GOLGB1: variants seen among roughly 807,000 people sequenced by gnomAD.
GOLGB1 encodes golgin B1.
A neutral mutation model predicts 336.9 loss-of-function variants in GOLGB1; 174 were observed. That is an observed-to-expected ratio of 0.52 (90% CI 0.46 to 0.59). The LOEUF (loss-of-function observed/expected upper bound fraction) is 0.59. Among genes scored for constraint, GOLGB1 ranks in the 20% least tolerant of loss-of-function variants. The pLI is 0.00. For synonymous variants in GOLGB1, 1,208 were observed against 1,289.2 expected (o/e 0.94, Z 1.35); for missense variants, 3,331 against 3,645.3 (o/e 0.91, Z 2.22).
rs376106917 is a variant in GOLGB1 at position 121,697,963 on chromosome 3, C to G, written c.2560G>C (p.Glu854Gln). 5.0e-6 allele frequency: 8 copies of G among 1,614,034 alleles called. No individual in the cohort carries two copies. In the African/African-American group the frequency reaches 6.7e-5, roughly 13 times the overall value. The change falls in exon 13 of 22, where the codon GAG becomes CAG. Residue 854 changes from glutamate to glutamine, a missense_variant. Transcript: ENST00000614479. ...QLQNKESEVL[E>Q]GAERVRHISS... ...ATATGCCTTACACGTTCTGCCCCCT[C>G]AAGCACTTCACTTTCCTTATTTTGC...
Position 121,694,835 on chromosome 3 carries a change from T to G in GOLGB1, c.5688A>C (p.Val1896=), listed in dbSNP as rs748449707. The G allele has an allele frequency of 1.2e-6, 2 of 1,613,888 alleles. No homozygotes were observed. The highest frequency in any genetic ancestry group is 2.2e-5 in the South Asian group (2 of 91,076). Residue 1896 remains valine (V), a synonymous_variant, in exon 13 of 22, where the codon GTA becomes GTC. Coordinates refer to ENST00000614479, the MANE Select transcript of GOLGB1 (RefSeq NM_001366282.2). ...GCTGATTTAACAGGTTCATTTTGGTTACTTCCTCCTGAAGCATTTTTAGTT... is the reference window on the plus strand; with the variant it reads ...GCTGATTTAACAGGTTCATTTTGGTGACTTCCTCCTGAAGCATTTTTAGTT... ...DGELKMLQEE[V]TKMNLLNQQI...
At position 121,668,115 on chromosome 3, in the gene GOLGB1, T is replaced by C; in HGVS notation, c.9365A>G (p.Lys3122Arg). ...IDVAPGAPQEKNGVHRKSDPE... is the reference protein window; with the variant it reads ...IDVAPGAPQERNGVHRKSDPE... ...GTCACTCTTTCTGTGAACTCCATTC[T>C]TTTCCTGGGGAGCTCCTGGAGCAAC... Residue 3122 changes from lysine to arginine, a missense_variant, in exon 19 of 22, where the codon AAG (lysine) becomes AGG (arginine). Transcript: ENST00000614479. 1 of 1,608,910 alleles carries C rather than the reference T, an allele frequency of 6.2e-7. No homozygotes were observed. Among genetic ancestry groups the C allele is most frequent in the Non-Finnish European group, 8.5e-7 (1 of 1,177,072 alleles).
intron 10 of GOLGB1, among the ~76,000 whole-genome samples, chr3:121,708,027 C>G (rs1287135451): frequency 6.6e-6 from 1 of 152,100 alleles, no homozygotes; most frequent in Non-Finnish European, 1.5e-5. Context: ...TGTCCACAAC[C>G]CAAATTATCC....
chr3:121,691,971 C>A lies in GOLGB1; in HGVS notation c.7393G>T (p.Asp2465Tyr), dbSNP rs763150989. 1.2e-6 allele frequency: 2 copies of A among 1,614,076 alleles called. No individual in the cohort carries two copies. Among genetic ancestry groups the A allele is most frequent in the Middle Eastern group, 1.6e-4 (1 of 6,062 alleles). Reference sequence around the variant, plus strand: ...GAAGACATGGATTTAACAAAGGAATCCAACTGTGCCTTTTGCTGAATGTTT... The same window carrying A: ...GAAGACATGGATTTAACAAAGGAATACAACTGTGCCTTTTGCTGAATGTTT... ...KENIQQKAQL[D>Y]SFVKSMSSLQ... is the part of the protein sequence containing the mutation. Residue 2465 changes from aspartate (D) to tyrosine (Y), a missense_variant, in exon 14 of 22, where the codon GAT becomes TAT. Asp to Tyr is a radical substitution (Grantham distance 160). Coordinates refer to ENST00000614479, the MANE Select transcript of GOLGB1 (RefSeq NM_001366282.2).
intron 16 of GOLGB1, 104 bp downstream of exon 16, chr3:121,677,181 G>T: frequency 1.7e-6 from 2 of 1,208,080 alleles, no homozygotes; most frequent in Non-Finnish European, 1.2e-6. Context: ...GTAGGAAGCT[G>T]ATGCTTTCTG....
chr3:121,703,713 A>G (rs1429300264), intron 10 of GOLGB1, among the ~76,000 whole-genome samples: 1 of 152,220 alleles, frequency 6.6e-6, no homozygotes, highest in Admixed American at 6.5e-5. Flanking sequence ...AAATCTTGAG[A>G]ACAAAACACG....
In GOLGB1 at chr3:121,664,420, T is replaced by C. The variant is rs922931562; in HGVS notation, c.*60A>G. The C allele has an allele frequency of 7.3e-6, 10 of 1,361,654 alleles. No individual in the cohort carries two copies. In the East Asian group the frequency reaches 2.3e-4, roughly 31 times the overall value. The allele number at this position is 1,361,654 out of a possible 1,614,324, so 84.3% of individuals were successfully genotyped here. A position where few individuals can be genotyped will look rare whatever the true frequency, so the allele number is the denominator to read the frequency against. Reference sequence around the variant, plus strand: ...TGTTCCACTGGAATTGATGTTCTGATGTTAGAGGTGAGAGAATTCCAAGTT... The same window carrying C: ...TGTTCCACTGGAATTGATGTTCTGACGTTAGAGGTGAGAGAATTCCAAGTT... On this transcript the variant is annotated 3_prime_UTR_variant, in exon 22 of 22. Coordinates refer to ENST00000614479, the MANE Select transcript of GOLGB1 (RefSeq NM_001366282.2).
At chr3:121,730,107 C>A (rs1945973895) in intron 2 of GOLGB1, 90 bp from the exon 3 acceptor site, 2 of 798,222 alleles carry the variant, frequency 2.5e-6, no homozygotes, top group Non-Finnish European at 2.0e-6. Context: ...TTATGTTTTG[C>A]CCAATTCATA....
intron 1 of GOLGB1, among the ~76,000 whole-genome samples, chr3:121,745,575 C>A (rs1011985757): frequency 1.4e-4 from 21 of 150,482 alleles, no homozygotes; most frequent in Admixed American, 1.2e-3. Context: ...TATATGTATA[C>A]ATATATGTAA....
intron 17 of GOLGB1, among the ~76,000 whole-genome samples, chr3:121,674,820 CCTTT>C (rs1940102327): frequency 3.4e-5 from 5 of 148,934 alleles, no homozygotes; most frequent in African/African-American, 5.0e-5. Flanking sequence ...GAATGAGGTG[CCTTT>C]CTTTTTTTTT....
At chr3:121,684,427 T>C in intron 14 of GOLGB1, among the ~76,000 whole-genome samples, 1 of 151,882 alleles carries the variant, frequency 6.6e-6, no homozygotes, top group African/African-American at 2.4e-5. Flanking sequence ...AAAAAGCTGC[T>C]AGTATGATTT....
intron 14 of GOLGB1, among the ~76,000 whole-genome samples, chr3:121,683,083 G>A (rs1483487864): frequency 4.3e-5 from 1 of 23,036 alleles, no homozygotes; most frequent in Non-Finnish European, 8.8e-5. Context: ...TTTTTTTTTT[G>A]GAGAGACGGA....
At chr3:121,670,898 CCTA>C (rs1264914264) in intron 17 of GOLGB1, among the ~76,000 whole-genome samples, 1 of 152,074 alleles carries the variant, frequency 6.6e-6, no homozygotes, top group Non-Finnish European at 1.5e-5. Context: ...CTTCCCTTAA[CCTA>C]AGAGGAAGTT....
intron 1 of GOLGB1, among the ~76,000 whole-genome samples, chr3:121,746,278 A>G (rs1474435673): frequency 6.6e-6 from 1 of 152,174 alleles, no homozygotes; most frequent in African/African-American, 2.4e-5. Flanking sequence ...AACACATTCG[A>G]TATTATGACA....
In GOLGB1 at chr3:121,698,020, T is replaced by C; in HGVS notation, c.2503A>G (p.Ser835Gly). Residue 835 changes from serine to glycine, a missense_variant, in exon 13 of 22, where the codon AGT becomes GGT. Physicochemically the swap from Ser to Gly is moderately conservative, Grantham distance 56. Transcript: ENST00000614479. ...DDVQLQFSEQ[S>G]TLIRSLQSQL... is the part of the protein sequence containing the mutation. ...CTTTGCAGGCTTCTTATCAGGGTAC[T>C]CTGCTCAGAAAACTGAAGCTGCACA... 1 of 1,614,056 alleles carries C rather than the reference T, an allele frequency of 6.2e-7. No homozygotes were observed. Among genetic ancestry groups the C allele is most frequent in the Non-Finnish European group, 8.5e-7 (1 of 1,179,910 alleles).
rs1942496807 is a variant in GOLGB1, at chr3:121,692,206, C to T, written c.7158G>A (p.Glu2386=). ...CAGAAAGCAGGCTTATAATCTTTTG[C>T]TCTTTCATATTTATTTCTTCATGCA... ...SRLHEEINMK[E]QKIISLLSGK... The change falls in exon 14 of 22, where the codon GAG becomes GAA. Residue 2386 remains glutamate (E), a synonymous_variant. Transcript: ENST00000614479. The T allele has an allele frequency of 2.5e-6, 4 of 1,598,966 alleles. No homozygotes were observed. Among genetic ancestry groups the T allele is most frequent in the Admixed American group, 1.8e-5 (1 of 56,050 alleles).
Position 121,664,312 on chromosome 3 carries a change from C to T in GOLGB1, c.*168G>A. 1 of 651,732 alleles carries T rather than the reference C, an allele frequency of 1.5e-6. No homozygotes were observed. The highest frequency in any genetic ancestry group is 1.8e-5 in the South Asian group (1 of 54,478). 40.4% of individuals were successfully genotyped at this position (651,732 alleles called of 1,614,324 possible). ...AAAGCAGACTCGCCAGTCCCTGCAG[C>T]TCCAACCTGTCCTCGTATCCACCTC... On this transcript the variant is annotated 3_prime_UTR_variant, in exon 22 of 22. Coordinates refer to ENST00000614479, the MANE Select transcript of GOLGB1 (RefSeq NM_001366282.2).
rs764751569 is a variant in GOLGB1 at position 121,696,286 on chromosome 3, C to T, written c.4237G>A (p.Val1413Ile). ...CTAAGTTGTCCAGAAAGGTAGCTAA[C>T]GTCTTCTTCCTTTTTGCTTATGAGT... ...QKLISKKEEDVSYLSGQLSEK... is the reference protein window; with the variant it reads ...QKLISKKEEDISYLSGQLSEK... Residue 1413 changes from valine to isoleucine, a missense_variant, in exon 13 of 22, where the codon GTT becomes ATT. Transcript: ENST00000614479. 8.7e-6 allele frequency: 14 copies of T among 1,613,996 alleles called. No individual in the cohort carries two copies. The highest frequency in any genetic ancestry group is 7.7e-5 in the South Asian group (7 of 91,068).
At chr3:121,741,502 C>T (rs907464837) in intron 1 of GOLGB1, among the ~76,000 whole-genome samples, 3 of 152,146 alleles carry the variant, frequency 2.0e-5, no homozygotes, top group Non-Finnish European at 4.4e-5. Flanking sequence ...CACCCGATCT[C>T]GTCTAAAGTG....
Sources: allele counts gnomAD v4.1 joint callset (sites outside exome capture counted in the v4.1 genomes callset), GRCh38; gene constraint gnomAD v4.1.1; transcripts MANE v1.5; gene names NCBI Gene and HGNC (gene_info 2026-07-23, HGNC 2026-07-21).